Variants in TECPR2 observed in about 807,000 individuals in gnomAD.
The protein encoded by TECPR2 is tectonin beta-propeller repeat-containing protein 2.
TECPR2 carries 65 observed loss-of-function variants against 138.1 expected under a neutral mutation model. The ratio of observed to expected loss-of-function variants is 0.47; its 90% confidence interval spans 0.39 to 0.58. The LOEUF (loss-of-function observed/expected upper bound fraction) is 0.58. TECPR2 is among the 20% of genes least tolerant of loss of function. The pLI is 0.00. For missense variants in TECPR2, 1,553 were observed against 1,824.5 expected (o/e 0.85, Z 2.71); for synonymous variants, 746 against 749.8 (o/e 0.99, Z 0.08).
At chr14:102,405,376 G>T (rs1221555942) in intron 2 of TECPR2, among the ~76,000 whole-genome samples, 1 of 152,060 alleles carries the variant, frequency 6.6e-6, no homozygotes, top group Non-Finnish European at 1.5e-5. Context: ...CAAAGGACTT[G>T]AATAGATGTT....
At chr14:102,437,231 T>C (rs1339686811) in intron 9 of TECPR2, 10 of 972,876 alleles carry the variant, frequency 1.0e-5, no homozygotes, top group Non-Finnish European at 1.2e-5. Flanking sequence ...ACAAAGACTT[T>C]ATTTAGCTTT....
intron 19 of TECPR2, 140 bp from the exon 20 acceptor site, chr14:102,497,963 A>T (rs1891335175): frequency 1.6e-6 from 2 of 1,221,088 alleles, no homozygotes; most frequent in Non-Finnish European, 2.3e-6. Flanking sequence ...TACGAAGTTC[A>T]CATGGAGATG....
intron 9 of TECPR2, 96 bp from the exon 10 acceptor site, chr14:102,437,926 G>C: frequency 1.4e-6 from 2 of 1,406,026 alleles, no homozygotes; most frequent in Non-Finnish European, 1.9e-6. Context: ...TTACCGTCTC[G>C]TGTTAATGAT....
At chr14:102,411,403 C>T (rs902015233) in intron 4 of TECPR2, among the ~76,000 whole-genome samples, 4 of 152,246 alleles carry the variant, frequency 2.6e-5, no homozygotes, top group Non-Finnish European at 4.4e-5. Flanking sequence ...ATATGCCCTG[C>T]CCCGCCTTAA....
rs202031176 is a variant in TECPR2, at chr14:102,440,551, C to T, written c.2694C>T (p.Ala898=). 32 of 1,614,114 alleles carry T rather than the reference C, an allele frequency of 2.0e-5. No homozygotes were observed. In the East Asian group the frequency reaches 6.2e-4, roughly 31 times the overall value. The change falls in exon 11 of 20, where the codon GCC becomes GCT. Residue 898 remains alanine, a synonymous_variant. Transcript: ENST00000359520. ...YEALPQAVFV[A]LSDDTAWIIR... is the part of the protein sequence containing the mutation. ...CCCTGCCCCAGGCAGTGTTTGTGGC[C>T]CTGAGCGATGACACGGCCTGGATCA...
At chr14:102,434,118 C>A in intron 8 of TECPR2, 117 bp from the exon 9 acceptor site, 2 of 940,834 alleles carry the variant, frequency 2.1e-6, no homozygotes, top group Non-Finnish European at 2.8e-6. Flanking sequence ...ATTCTTCATT[C>A]ACCAAATATC....
At position 102,498,849 on chromosome 14, in the gene TECPR2, G is replaced by C. The variant is rs760573958; in HGVS notation, c.*592G>C. The C allele has an allele frequency of 1.6e-6, 1 of 633,962 alleles. No individual in the cohort carries two copies. The highest frequency in any genetic ancestry group is 2.5e-4 in the Middle Eastern group (1 of 4,050). The allele number at this position is 633,962 out of a possible 1,614,324, so 39.3% of individuals were successfully genotyped here. A position where few individuals can be genotyped will look rare whatever the true frequency, so the allele number is the denominator to read the frequency against. On this transcript the variant is annotated 3_prime_UTR_variant, in exon 20 of 20. Coordinates refer to ENST00000359520, the MANE Select transcript of TECPR2 (RefSeq NM_014844.5). Reference sequence around the variant, plus strand: ...CTGGCCATGCCAGGAGAGAACCCACGCACATGCACACCACAACACACAACA... The same window carrying C: ...CTGGCCATGCCAGGAGAGAACCCACCCACATGCACACCACAACACACAACA...
rs1220420051 is a variant in TECPR2, at chr14:102,415,885, C to T, written c.638+1092C>T. ...TGGGAAACATGGTGAGATTGGCAGG[C>T]GTTGATGAGGCCCTGCGGCTGGTGG... On this transcript the variant is annotated intron_variant, in intron 5 of 19. Coordinates refer to ENST00000359520, the MANE Select transcript of TECPR2 (RefSeq NM_014844.5). The surrounding 1 kb of genome is among the most constrained non-coding windows in gnomAD (Gnocchi z 4.3). Among the ~76,000 whole-genome samples the T allele has an allele frequency of 6.6e-6, 1 of 152,086 alleles. No homozygotes were observed. The highest frequency in any genetic ancestry group is 1.5e-5 in the Non-Finnish European group (1 of 68,008).
rs1192921287 is a variant in TECPR2 at position 102,419,070 on chromosome 14, C to T, written c.638+4277C>T. Among the ~76,000 whole-genome samples the T allele has an allele frequency of 1.3e-5, 2 of 152,072 alleles. No homozygotes were observed. Among genetic ancestry groups the T allele is most frequent in the African/African-American group, 4.8e-5 (2 of 41,404 alleles). Reference sequence around the variant, plus strand: ...TCGGGGAGCTGTGCGCTGGCAGCCACTGGCATGCAGACAGGAGCTCGCCTA... The same window carrying T: ...TCGGGGAGCTGTGCGCTGGCAGCCATTGGCATGCAGACAGGAGCTCGCCTA... On this transcript the variant is annotated intron_variant, in intron 5 of 19. Transcript: ENST00000359520. The surrounding 1 kb of genome is among the most constrained non-coding windows in gnomAD (Gnocchi z 4.8).
intron 7 of TECPR2, among the ~76,000 whole-genome samples, chr14:102,430,573 G>T: frequency 6.6e-6 from 1 of 152,228 alleles, no homozygotes; most frequent in Non-Finnish European, 1.5e-5. Context: ...CCCCGATAAA[G>T]AGAGGATGGC....
At chr14:102,457,382 A>AC (rs1443845874) in intron 16 of TECPR2, among the ~76,000 whole-genome samples, 1 of 151,972 alleles carries the variant, frequency 6.6e-6, no homozygotes, top group Non-Finnish European at 1.5e-5. Flanking sequence ...ACTGCGCCTG[A>AC]CCCAAGAGAC....
intron 2 of TECPR2, among the ~76,000 whole-genome samples, chr14:102,382,673 A>G (rs1413149798): frequency 5.3e-5 from 8 of 152,168 alleles, no homozygotes; most frequent in Non-Finnish European, 1.2e-4. Flanking sequence ...ACCTCAACAC[A>G]TTTAGAGTAG....
At chr14:102,464,047 A>C (rs1422449121) in intron 16 of TECPR2, among the ~76,000 whole-genome samples, 1 of 152,242 alleles carries the variant, frequency 6.6e-6, no homozygotes, top group Non-Finnish European at 1.5e-5. Context: ...AGGCTGACCC[A>C]GGTCCAAACC....
chr14:102,382,098 C>T (rs1448556519), intron 2 of TECPR2, among the ~76,000 whole-genome samples: 1 of 152,108 alleles, frequency 6.6e-6, no homozygotes, highest in African/African-American at 2.4e-5. Flanking sequence ...TCGAGACCAT[C>T]CAGGCTAACA....
intron 4 of TECPR2, among the ~76,000 whole-genome samples, chr14:102,412,774 T>C (rs1888919104): frequency 6.6e-6 from 1 of 152,062 alleles, no homozygotes; most frequent in South Asian, 2.1e-4. Context: ...TGTATTTCAG[T>C]GTGCAGCAGA....
intron 2 of TECPR2, among the ~76,000 whole-genome samples, chr14:102,384,215 G>A (rs1437827232): frequency 1.3e-5 from 2 of 151,912 alleles, no homozygotes; most frequent in Admixed American, 6.6e-5. Context: ...CACTGCATCC[G>A]GCCGGAAGTT....
chr14:102,497,052 G>A lies in TECPR2; in HGVS notation c.3863G>A (p.Trp1288Ter). ...ATGCTGTGGGTGCTTGACAGCAGGT[G>A]GAACGTGCACGTGCGGACCGGGATC... ...DQMLWVLDSR[W>*]NVHVRTGITE... The change falls in exon 18 of 20, where the codon TGG (tryptophan) becomes TAG (stop). Residue 1288 changes from tryptophan (W) to a stop codon, truncating the protein, a stop_gained. Transcript: ENST00000359520. LOFTEE classifies it high-confidence loss of function. 1.2e-6 allele frequency: 2 copies of A among 1,613,926 alleles called. No individual in the cohort carries two copies. The highest frequency in any genetic ancestry group is 1.3e-5 in the African/African-American group (1 of 75,062).
intron 1 of TECPR2, among the ~76,000 whole-genome samples, chr14:102,364,651 G>T (rs966909363): frequency 6.6e-6 from 1 of 152,114 alleles, no homozygotes; most frequent in Non-Finnish European, 1.5e-5. Flanking sequence ...TTATACCCAC[G>T]TGTCTTTTTC....
chr14:102,468,150 A>G (rs1360143562), intron 17 of TECPR2, among the ~76,000 whole-genome samples: 1 of 148,554 alleles, frequency 6.7e-6, no homozygotes, highest in African/African-American at 2.5e-5. Context: ...CCAGCCTCAA[A>G]TCTTTTGCTC....
Sources: allele counts gnomAD v4.1 joint callset (sites outside exome capture counted in the v4.1 genomes callset), GRCh38; gene constraint gnomAD v4.1.1; non-coding constraint Gnocchi (gnomAD v3.1); transcripts MANE v1.5; gene names NCBI Gene and HGNC (gene_info 2026-07-23, HGNC 2026-07-21).